Variants in OXCT1 observed in about 807,000 individuals in gnomAD.
The protein encoded by OXCT1 is 3-oxoacid CoA-transferase 1, also known as succinyl-CoA:3-ketoacid coenzyme A transferase 1, mitochondrial.
In OXCT1, 27 loss-of-function variants were observed where a neutral mutation model predicts 69.6. That is an observed-to-expected ratio of 0.39 (90% CI 0.29 to 0.54). The LOEUF (loss-of-function observed/expected upper bound fraction) is 0.54. OXCT1 is among the 20% of genes least tolerant of loss of function. OXCT1 has a pLI of 0.72. For synonymous variants in OXCT1, 202 were observed against 217.8 expected, an observed-to-expected ratio of 0.93 and a Z score of 0.64; for missense variants, 437 against 650.2, an observed-to-expected ratio of 0.67 and a Z score of 3.57.
At chr5:41,739,303 A>T in intron 16 of OXCT1, 87 bp downstream of exon 16, 2 of 927,844 alleles carry the variant, frequency 2.2e-6, no homozygotes, top group South Asian at 2.6e-5. Context: ...AAATGATCAC[A>T]AATTAATGGT....
chr5:41,741,833 T>C (rs1743183821), intron 15 of OXCT1, among the ~76,000 whole-genome samples: 1 of 152,216 alleles, frequency 6.6e-6, no homozygotes, highest in Non-Finnish European at 1.5e-5. Flanking sequence ...GAAATGTGTG[T>C]TTCAAGAGGA....
intron 7 of OXCT1, among the ~76,000 whole-genome samples, chr5:41,813,157 C>A (rs1561097196): frequency 6.6e-6 from 1 of 152,032 alleles, no homozygotes; most frequent in African/African-American, 2.4e-5. Flanking sequence ...AAGCCCTTCA[C>A]ATAAGAGTCT....
intron 3 of OXCT1, among the ~76,000 whole-genome samples, chr5:41,856,964 C>CAA (rs1749458169): frequency 6.6e-6 from 1 of 152,112 alleles, no homozygotes; most frequent in African/African-American, 2.4e-5. Flanking sequence ...ATTCTATTCC[C>CAA]CCAAATTCAA....
At chr5:41,783,276 A>G (rs1745496956) in intron 13 of OXCT1, among the ~76,000 whole-genome samples, 1 of 152,244 alleles carries the variant, frequency 6.6e-6, no homozygotes, top group Admixed American at 6.5e-5. Context: ...TCTCTAAACC[A>G]AAAGAATAGA....
At chr5:41,853,664 T>A in intron 3 of OXCT1, 110 bp from the exon 4 acceptor site, 3 of 1,215,426 alleles carry the variant, frequency 2.5e-6, no homozygotes, top group Non-Finnish European at 2.4e-6. Context: ...TCCTTTCTTA[T>A]AGGCATTTGA....
chr5:41,747,969 T>C (rs1743586265), intron 15 of OXCT1, among the ~76,000 whole-genome samples: 1 of 152,100 alleles, frequency 6.6e-6, no homozygotes. Flanking sequence ...GGATGTTTGG[T>C]GTCTCACCCT....
rs1328410503 is a variant in OXCT1, at chr5:41,730,330, G to A, written c.*1399C>T. 6.6e-6 allele frequency: 1 copy of A among 152,250 alleles called. No homozygotes were observed. Among genetic ancestry groups the A allele is most frequent in the Admixed American group, 6.5e-5 (1 of 15,278 alleles). 9.4% of individuals were successfully genotyped at this position (152,250 alleles called of 1,614,324 possible). ...ATGCATTTAACCATGTGGTCAGCCA[G>A]AAAGGCTGTTTTATATATGGTGTGT... is the stretch of plus-strand genomic sequence containing the variant. On this transcript the variant is annotated 3_prime_UTR_variant, in exon 17 of 17. Coordinates refer to ENST00000196371, the MANE Select transcript of OXCT1 (RefSeq NM_000436.4).
Position 41,762,258 on chromosome 5 carries a change from C to T in OXCT1, c.1249-58G>A. ...TTCACTTCTTTTGTATGTGACAGAA[C>T]AAAATTAACTTGCAAAAATAAGCTA... On this transcript the variant is annotated intron_variant, in intron 13 of 16. Coordinates refer to ENST00000196371, the MANE Select transcript of OXCT1 (RefSeq NM_000436.4). The surrounding 1 kb of genome is among the most constrained non-coding windows in gnomAD (Gnocchi z 4.0). The T allele has an allele frequency of 7.5e-7, 1 of 1,324,596 alleles. No homozygotes were observed. The highest frequency in any genetic ancestry group is 2.3e-5 in the East Asian group (1 of 43,510). 82.1% of individuals were successfully genotyped at this position (1,324,596 alleles called of 1,614,324 possible).
intron 11 of OXCT1, among the ~76,000 whole-genome samples, chr5:41,797,742 TAACA>T (rs1330644768): frequency 1.3e-5 from 2 of 152,210 alleles, no homozygotes; most frequent in Admixed American, 6.5e-5. Flanking sequence ...TTGCAAACTT[TAACA>T]TTCATCAGAA....
chr5:41,847,061 G>A (rs1385393256), intron 5 of OXCT1, among the ~76,000 whole-genome samples: 1 of 151,914 alleles, frequency 6.6e-6, no homozygotes, highest in Non-Finnish European at 1.5e-5. Flanking sequence ...AAAGAGAGAA[G>A]AATCAAATAG....
chr5:41,846,658 G>A (rs1748921541), intron 5 of OXCT1, among the ~76,000 whole-genome samples: 1 of 152,148 alleles, frequency 6.6e-6, no homozygotes, highest in African/African-American at 2.4e-5. Context: ...GTAATGGGAT[G>A]GCTGGGTCAA....
chr5:41,870,363 G>C lies in OXCT1; in HGVS notation c.-5C>G, dbSNP rs200129807. On this transcript the variant is annotated 5_prime_UTR_variant, in exon 1 of 17. Transcript: ENST00000196371. The surrounding 1 kb of genome is among the most constrained non-coding windows in gnomAD (Gnocchi z 4.2). The stretch of plus-strand genomic sequence containing the variant: ...GAGGAGTTTGAGAGCCGCCATCTTC[G>C]GGCGGTGAGGCAGGAGGAGGCTGCG... 231 of 1,611,814 alleles carry C rather than the reference G, an allele frequency of 1.4e-4. 3 individuals carry two copies. The Middle Eastern group carries it at 1.8e-3, about 13-fold the overall frequency.
At chr5:41,759,847 A>C (rs1744264819) in intron 14 of OXCT1, among the ~76,000 whole-genome samples, 1 of 152,100 alleles carries the variant, frequency 6.6e-6, no homozygotes, top group South Asian at 2.1e-4. Flanking sequence ...AACAAAAAAA[A>C]CAGCAAAACA....
rs1036287749 is a variant in OXCT1 at position 41,749,587 on chromosome 5, C to T, written c.1359G>A (p.Met453Ile). Reference protein sequence around the residue: ...HSAKGNAHKIMEKCTLPLTGK... With the variant: ...HSAKGNAHKIIEKCTLPLTGK... ...CAGTCAATGGTAATGTACATTTCTC[C>T]ATGATTTTATGTGCATTTCCCTGTT... is the stretch of plus-strand genomic sequence containing the variant. The change falls in exon 15 of 17, where the codon ATG becomes ATA. Residue 453 changes from methionine to isoleucine, a missense_variant. Coordinates refer to ENST00000196371, the MANE Select transcript of OXCT1 (RefSeq NM_000436.4). The T allele has an allele frequency of 6.2e-7, 1 of 1,607,252 alleles. No individual in the cohort carries two copies. Among genetic ancestry groups the T allele is most frequent in the Non-Finnish European group, 8.5e-7 (1 of 1,174,778 alleles).
chr5:41,748,404 A>C (rs1263334095), intron 15 of OXCT1, among the ~76,000 whole-genome samples: 1 of 152,060 alleles, frequency 6.6e-6, no homozygotes, highest in African/African-American at 2.4e-5. Context: ...CTACCACTTT[A>C]TTTAAAAATA....
At chr5:41,736,324 A>C (rs189609305) in intron 16 of OXCT1, among the ~76,000 whole-genome samples, 1 of 152,234 alleles carries the variant, frequency 6.6e-6, no homozygotes, top group African/African-American at 2.4e-5. Flanking sequence ...GACATATATG[A>C]CCTTCAAGAT....
intron 3 of OXCT1, among the ~76,000 whole-genome samples, chr5:41,860,352 GA>G (rs1451998136): frequency 6.6e-6 from 1 of 152,028 alleles, no homozygotes; most frequent in African/African-American, 2.4e-5. Flanking sequence ...AGCACACAAA[GA>G]AAGGCTAAAA....
intron 5 of OXCT1, among the ~76,000 whole-genome samples, chr5:41,846,767 A>G (rs1024289587): frequency 6.6e-6 from 1 of 152,090 alleles, no homozygotes; most frequent in Non-Finnish European, 1.5e-5. Flanking sequence ...AAGTATTCCT[A>G]TTTCTCCACA....
chr5:41,807,773 C>T (rs543622140), intron 7 of OXCT1, among the ~76,000 whole-genome samples: 12 of 152,118 alleles, frequency 7.9e-5, no homozygotes, highest in African/African-American at 2.9e-4. Flanking sequence ...TGCAGTTCAA[C>T]TATGCAATGA....
Sources: allele counts gnomAD v4.1 joint callset (sites outside exome capture counted in the v4.1 genomes callset), GRCh38; gene constraint gnomAD v4.1.1; non-coding constraint Gnocchi (gnomAD v3.1); transcripts MANE v1.5; gene names NCBI Gene and HGNC (gene_info 2026-07-23, HGNC 2026-07-21).